FBN1: variants seen among roughly 807,000 people sequenced by gnomAD.
FBN1 encodes the protein fibrillin 1, also known as fibrillin-1.
FBN1 carries 29 observed loss-of-function variants against 365.1 expected under a neutral mutation model. The ratio of observed to expected loss-of-function variants is 0.08; its 90% CI spans 0.06 to 0.11. The LOEUF (loss-of-function observed/expected upper bound fraction) is 0.11, where lower values mean the gene tolerates loss of function less well. Ranked by LOEUF, FBN1 falls within the 10% of genes least tolerant of loss-of-function variation. The pLI, the probability that FBN1 is intolerant of heterozygous loss-of-function variation, is 1.00. For missense variants in FBN1, 2,476 were observed against 3,703.2 expected, an observed-to-expected ratio of 0.67 and a Z score of 8.60; for synonymous variants, 1,210 against 1,270.5, an observed-to-expected ratio of 0.95 and a Z score of 1.01.
intron 39 of FBN1, 37 bp downstream of exon 39, chr15:48,465,753 A>C: frequency 6.2e-7 from 1 of 1,612,798 alleles, no homozygotes; most frequent in African/African-American, 1.3e-5. Flanking sequence ...AGGAAATTCA[A>C]GTTGTGTGTG....
At chr15:48,489,719 C>G (rs1597565165) in intron 25 of FBN1, 132 bp downstream of exon 25, 1 of 775,640 alleles carries the variant, frequency 1.3e-6, no homozygotes. Context: ...CTTTTCTAAA[C>G]AAAGATAATT....
intron 24 of FBN1, among the ~76,000 whole-genome samples, chr15:48,490,675 T>G (rs139027875): frequency 1.8e-3 from 272 of 152,356 alleles, no homozygotes; most frequent in African/African-American, 6.3e-3. Context: ...TCAAGGTACT[T>G]GTGGGATACC....
In FBN1 at chr15:48,495,220, C is replaced by T; in HGVS notation, c.2580G>A (p.Gly860=). The T allele has an allele frequency of 2.5e-6, 4 of 1,614,046 alleles. No individual in the cohort carries two copies. Among genetic ancestry groups the T allele is most frequent in the Non-Finnish European group, 3.4e-6 (4 of 1,180,010 alleles). ...CTCCATTGATGTTGATCTCACATCGCCCATCAATGACAGTCTGCCAGCAAG... is the reference window on the plus strand; with the variant it reads ...CTCCATTGATGTTGATCTCACATCGTCCATCAATGACAGTCTGCCAGCAAG... ...KGTCWQTVID[G]RCEININGAT... is the part of the protein sequence containing the mutation. The change falls in exon 22 of 66, where the codon GGG becomes GGA. Residue 860 remains glycine, a synonymous_variant. Coordinates refer to ENST00000316623, the MANE Select transcript of FBN1 (RefSeq NM_000138.5).
At chr15:48,528,992 AATTT>A (rs1470847311) in intron 8 of FBN1, 1 of 152,138 alleles carries the variant, frequency 6.6e-6, no homozygotes, top group Admixed American at 6.5e-5. Flanking sequence ...CATTCATATG[AATTT>A]ATTATTTCTC....
At chr15:48,573,397 C>T (rs2140675491) in intron 6 of FBN1, among the ~76,000 whole-genome samples, 1 of 152,036 alleles carries the variant, frequency 6.6e-6, no homozygotes, top group East Asian at 1.9e-4. Flanking sequence ...TCACTATGAT[C>T]TCATATCACA....
chr15:48,596,784 T>C (rs1381216587), intron 5 of FBN1, among the ~76,000 whole-genome samples: 3 of 152,232 alleles, frequency 2.0e-5, no homozygotes, highest in Non-Finnish European at 4.4e-5. Flanking sequence ...ATTACAGAAA[T>C]GTAGCAAGTT....
intron 8 of FBN1, 40 bp downstream of exon 8, chr15:48,534,040 C>A: frequency 6.2e-7 from 1 of 1,610,756 alleles, no homozygotes; most frequent in South Asian, 1.1e-5. Context: ...TTTGCCTGCC[C>A]CCACTACACC....
At chr15:48,495,446 A>G in intron 21 of FBN1, 23 bp downstream of exon 21, 1 of 1,611,966 alleles carries the variant, frequency 6.2e-7, no homozygotes, top group Non-Finnish European at 8.5e-7. Context: ...ACATAGAAAA[A>G]TCATTCTCAG....
At chr15:48,506,652 T>C (rs934121121) in intron 15 of FBN1, among the ~76,000 whole-genome samples, 1 of 152,232 alleles carries the variant, frequency 6.6e-6, no homozygotes, top group Non-Finnish European at 1.5e-5. Context: ...AGCCATGTTG[T>C]TGATCAGATG....
intron 53 of FBN1, 140 bp downstream of exon 53, chr15:48,436,821 C>G (rs1332993016): frequency 8.4e-6 from 6 of 715,016 alleles, no homozygotes; most frequent in African/African-American, 3.5e-5. Context: ...CACTAGTATT[C>G]TAAATGAATG....
chr15:48,441,009 C>T (rs185653050), intron 50 of FBN1, among the ~76,000 whole-genome samples: 45 of 152,104 alleles, frequency 3.0e-4, no homozygotes, highest in Middle Eastern at 3.4e-3. Context: ...CTCCCTTCCC[C>T]GGAATTCATG....
intron 50 of FBN1, among the ~76,000 whole-genome samples, chr15:48,440,616 C>T (rs2043104980): frequency 6.6e-6 from 1 of 152,170 alleles, no homozygotes; most frequent in Admixed American, 6.5e-5. Context: ...CTCCTTCTTA[C>T]TTCCCAAATA....
chr15:48,445,872 C>T (rs1381147500), intron 47 of FBN1, among the ~76,000 whole-genome samples: 1 of 151,952 alleles, frequency 6.6e-6, no homozygotes, highest in Non-Finnish European at 1.5e-5. Flanking sequence ...TGTATTCTTG[C>T]AATTAGATTT....
At chr15:48,590,343 A>G (rs920486007) in intron 6 of FBN1, among the ~76,000 whole-genome samples, 1 of 152,224 alleles carries the variant, frequency 6.6e-6, no homozygotes, top group Non-Finnish European at 1.5e-5. Context: ...GGTGTTTCCA[A>G]AATGGACTAT....
intron 45 of FBN1, among the ~76,000 whole-genome samples, chr15:48,449,095 A>G (rs558696173): frequency 1.3e-5 from 2 of 152,344 alleles, no homozygotes; most frequent in Admixed American, 6.5e-5. Context: ...ACTTGACACA[A>G]TAAAAAATAA....
intron 2 of FBN1, among the ~76,000 whole-genome samples, chr15:48,615,662 T>C (rs1218523268): frequency 6.6e-6 from 1 of 152,164 alleles, no homozygotes; most frequent in Non-Finnish European, 1.5e-5. Context: ...ATAAAGCAGC[T>C]GATCCTAGAA....
In FBN1 at chr15:48,510,065, G is replaced by A. The variant is rs113422242; in HGVS notation, c.1693C>T (p.Arg565Ter). The A allele has an allele frequency of 6.2e-7, 1 of 1,613,088 alleles. No individual in the cohort carries two copies. The highest frequency in any genetic ancestry group is 8.5e-7 in the Non-Finnish European group (1 of 1,179,468). ...TTACCTTCACAGTTCTTCCCATCTCGTGTAACATGAAAGCCCGCATTACAC... is the reference window on the plus strand; with the variant it reads ...TTACCTTCACAGTTCTTCCCATCTCATGTAACATGAAAGCCCGCATTACAC... ...CVCNAGFHVT[R>*]DGKNCEDMDE... Residue 565 changes from arginine to a stop codon, truncating the protein, a stop_gained, in exon 14 of 66, where the codon CGA (arginine) becomes TGA (stop). Transcript: ENST00000316623. LOFTEE classifies it high-confidence loss of function.
At chr15:48,421,801 TTCA>T (rs2042944644) in intron 61 of FBN1, 115 bp from the exon 62 acceptor site, 1 of 1,238,498 alleles carries the variant, frequency 8.1e-7, no homozygotes, top group African/African-American at 1.5e-5. Context: ...CCAACAACGC[TTCA>T]CATACATGTA....
chr15:48,435,776 G>GTGTATATATATGTA (rs1566895708), intron 53 of FBN1, among the ~76,000 whole-genome samples: 13 of 28,578 alleles, frequency 4.5e-4, no homozygotes, highest in African/African-American at 1.4e-3. Flanking sequence ...GTGTATATGT[G>GTGTATATATATGTA]TGTGTGTGTG....
Sources: gnomAD v4.1 joint callset for allele counts (sites outside exome capture counted in the v4.1 genomes callset) on GRCh38, gnomAD v4.1.1 for gene constraint, MANE v1.5 for transcripts, NCBI Gene and HGNC (gene_info 2026-07-23, HGNC 2026-07-21) for gene names.